LARS2: variants seen among roughly 807,000 people sequenced by gnomAD.
LARS2 encodes leucine--tRNA ligase, mitochondrial.
LARS2 carries 81 observed loss-of-function variants against 116.6 expected under a neutral mutation model. The ratio of observed to expected loss-of-function variants is 0.69; its 90% CI spans 0.58 to 0.84. The LOEUF (loss-of-function observed/expected upper bound fraction) is 0.84, where lower values mean the gene tolerates loss of function less well. Ranked by LOEUF, LARS2 falls within the 40% of genes least tolerant of loss-of-function variation. The probability of loss-of-function intolerance (pLI) is 0.00; values close to 1 mark genes in which losing one functional copy is unlikely to be tolerated. For synonymous variants in LARS2, 396 were observed against 407.2 expected (o/e 0.97, Z 0.33); for missense variants, 968 against 1,114.5 (o/e 0.87, Z 1.87).
chr3:45,406,699 G>C (rs1412093348), intron 4 of LARS2, among the ~76,000 whole-genome samples: 1 of 152,208 alleles, frequency 6.6e-6, no homozygotes, highest in Non-Finnish European at 1.5e-5. Context: ...AAAACAATAT[G>C]TAATTTTCAA....
intron 20 of LARS2, 22 bp from the exon 21 acceptor site, chr3:45,541,807 C>T (rs1559502071): frequency 1.2e-6 from 2 of 1,613,520 alleles, no homozygotes; most frequent in Admixed American, 1.7e-5. Flanking sequence ...TGACCCCACG[C>T]TTCTGTGCCT....
intron 7 of LARS2, among the ~76,000 whole-genome samples, chr3:45,448,647 A>C (rs1380231648): frequency 6.6e-6 from 1 of 152,280 alleles, no homozygotes; most frequent in Non-Finnish European, 1.5e-5. Context: ...AAATTAACTA[A>C]AAGTATCCCT....
intron 15 of LARS2, among the ~76,000 whole-genome samples, chr3:45,507,616 T>G (rs1700218721): frequency 6.6e-6 from 1 of 152,092 alleles, no homozygotes; most frequent in African/African-American, 2.4e-5. Flanking sequence ...ACACTTTCAA[T>G]TAAATTACAA....
intron 4 of LARS2, among the ~76,000 whole-genome samples, chr3:45,406,577 G>C (rs1698235053): frequency 6.6e-6 from 1 of 152,280 alleles, no homozygotes; most frequent in Admixed American, 6.5e-5. Context: ...TGGGGGTGAT[G>C]AATCAATTAG....
intron 14 of LARS2, 58 bp from the exon 15 acceptor site, chr3:45,500,384 A>G (rs1017108411): frequency 5.2e-6 from 8 of 1,541,438 alleles, no homozygotes; most frequent in Non-Finnish European, 7.1e-6. Context: ...AGGCCTGTTT[A>G]ATTTACACAA....
intron 6 of LARS2, among the ~76,000 whole-genome samples, chr3:45,434,632 T>A (rs1382981135): frequency 6.6e-6 from 1 of 152,254 alleles, no homozygotes; most frequent in Non-Finnish European, 1.5e-5. Flanking sequence ...GTTTTAGGTA[T>A]GGCTAATGAT....
At chr3:45,475,809 CTT>C (rs1186934097) in intron 9 of LARS2, among the ~76,000 whole-genome samples, 7 of 152,170 alleles carry the variant, frequency 4.6e-5, no homozygotes, top group African/African-American at 1.7e-4. Flanking sequence ...GGTAGACTGT[CTT>C]TTAGTTCATT....
At chr3:45,411,705 A>T (rs854209) in intron 4 of LARS2, among the ~76,000 whole-genome samples, 16,153 of 152,084 alleles carry the variant, frequency 0.11, 2,802 homozygotes, top group African/African-American at 0.37. Flanking sequence ...TAACTTTTTT[A>T]AAAAATTTAT....
At chr3:45,468,355 A>C (rs1436860599) in intron 8 of LARS2, among the ~76,000 whole-genome samples, 1 of 151,968 alleles carries the variant, frequency 6.6e-6, no homozygotes, top group Admixed American at 6.6e-5. Context: ...TGCCCTCAAG[A>C]CTCCCCTTTC....
At chr3:45,500,237 GGT>G (rs1193740698) in intron 14 of LARS2, among the ~76,000 whole-genome samples, 1 of 152,172 alleles carries the variant, frequency 6.6e-6, no homozygotes, top group Admixed American at 6.5e-5. Flanking sequence ...CCTGACCTCA[GGT>G]GAGCCACCTG....
At chr3:45,542,068 C>T in intron 21 of LARS2, 112 bp downstream of exon 21, 1 of 1,317,608 alleles carries the variant, frequency 7.6e-7, no homozygotes, top group African/African-American at 1.5e-5. Context: ...GCTCACTCAG[C>T]TCAGCCCTCA....
intron 1 of LARS2, among the ~76,000 whole-genome samples, chr3:45,391,157 A>G (rs1697940050): frequency 6.6e-6 from 1 of 152,024 alleles, no homozygotes; most frequent in Non-Finnish European, 1.5e-5. Flanking sequence ...TATACTCAGG[A>G]CAGAACATCC....
At chr3:45,389,041 C>T (rs1697893596) in intron 1 of LARS2, 1 of 152,220 alleles carries the variant, frequency 6.6e-6, no homozygotes, top group Non-Finnish European at 1.5e-5. Flanking sequence ...AGGTCGTTTT[C>T]ACGTTAGGGC....
intron 8 of LARS2, among the ~76,000 whole-genome samples, chr3:45,468,824 G>A (rs1354853277): frequency 6.6e-6 from 1 of 152,170 alleles, no homozygotes; most frequent in Non-Finnish European, 1.5e-5. Context: ...ACGTACATGG[G>A]GCTGTGTAAT....
chr3:45,438,915 A>T (rs1208073394), intron 6 of LARS2, among the ~76,000 whole-genome samples: 1 of 152,070 alleles, frequency 6.6e-6, no homozygotes, highest in Non-Finnish European at 1.5e-5. Context: ...CTGGATCCCA[A>T]TGTGTCCTAT....
At chr3:45,481,226 T>G (rs1162341285) in intron 10 of LARS2, among the ~76,000 whole-genome samples, 1 of 152,266 alleles carries the variant, frequency 6.6e-6, no homozygotes, top group Non-Finnish European at 1.5e-5. Flanking sequence ...TAATCCTCCA[T>G]TATATGGATA....
At chr3:45,495,819 T>C (rs1014105757) in intron 13 of LARS2, among the ~76,000 whole-genome samples, 1 of 152,116 alleles carries the variant, frequency 6.6e-6, no homozygotes, top group Non-Finnish European at 1.5e-5. Context: ...CTATACAATA[T>C]AAAAAGAGAG....
chr3:45,431,844 C>T (rs1204247327), intron 6 of LARS2, among the ~76,000 whole-genome samples: 4 of 151,978 alleles, frequency 2.6e-5, no homozygotes, highest in African/African-American at 4.8e-5. Flanking sequence ...ATAAATGGCT[C>T]AAAATCTTCA....
At chr3:45,540,350 C>T (rs1376843998) in intron 20 of LARS2, among the ~76,000 whole-genome samples, 1 of 152,144 alleles carries the variant, frequency 6.6e-6, no homozygotes, top group Non-Finnish European at 1.5e-5. Context: ...AGTGTGTACA[C>T]TACATTTGTC....
Sources: gnomAD v4.1 joint callset for allele counts (sites outside exome capture counted in the v4.1 genomes callset) on GRCh38, gnomAD v4.1.1 for gene constraint, MANE v1.5 for transcripts, NCBI Gene and HGNC (gene_info 2026-07-23, HGNC 2026-07-21) for gene names.